Variants in ACP3 observed in about 807,000 individuals in gnomAD.
The protein encoded by ACP3 is acid phosphatase 3.
ACP3 carries 38 observed loss-of-function variants against 45.6 expected under a neutral mutation model. That is an observed-to-expected ratio of 0.83 (90% CI 0.64 to 1.09). ACP3 has a LOEUF of 1.09. ACP3 is among the 50% of genes least tolerant of loss of function. The pLI, the probability that ACP3 is intolerant of heterozygous loss-of-function variation, is 0.00. For missense variants in ACP3, 466 were observed against 463.2 expected (o/e 1.01, Z -0.05); for synonymous variants, 162 against 164.7 (o/e 0.98, Z 0.13).
chr3:132,349,023 A>G (rs972686039), intron 7 of ACP3, among the ~76,000 whole-genome samples: 2 of 151,958 alleles, frequency 1.3e-5, no homozygotes, highest in African/African-American at 2.4e-5. Flanking sequence ...ACCCTAACAC[A>G]CCCTACTGGT....
chr3:132,341,259 C>T (rs1043932352), intron 5 of ACP3, among the ~76,000 whole-genome samples: 1 of 152,016 alleles, frequency 6.6e-6, no homozygotes, highest in Non-Finnish European at 1.5e-5. Flanking sequence ...GGCTTTTGAA[C>T]CAAAATAGAC....
intron 1 of ACP3, among the ~76,000 whole-genome samples, chr3:132,320,435 A>G (rs986860101): frequency 6.6e-5 from 10 of 152,108 alleles, no homozygotes; most frequent in African/African-American, 2.2e-4. Flanking sequence ...TTCATGCACC[A>G]TATCATCCAG....
At position 132,358,405 on chromosome 3, in the gene ACP3, G is replaced by C; in HGVS notation, c.*1527G>C. On this transcript the variant is annotated 3_prime_UTR_variant, in exon 10 of 10. Transcript: ENST00000336375. ...ATGCCGATATCTTCAGAAAACCTAA[G>C]CAAACTTACAGGTCCTGCTGAAACT... is the stretch of plus-strand genomic sequence containing the variant. 1 of 1,256,448 alleles carries C rather than the reference G, an allele frequency of 8.0e-7. No homozygotes were observed. The highest frequency in any genetic ancestry group is 1.5e-5 in the African/African-American group (1 of 65,526). 77.8% of individuals were successfully genotyped at this position (1,256,448 alleles called of 1,614,324 possible).
At chr3:132,328,930 T>C (rs768255860) in intron 2 of ACP3, among the ~76,000 whole-genome samples, 6 of 152,204 alleles carry the variant, frequency 3.9e-5, no homozygotes, top group Non-Finnish European at 5.9e-5. Flanking sequence ...ATCAACAGCA[T>C]TGGGAAACAT....
chr3:132,361,814 A>G (rs1938045193), downstream of ACP3, among the ~76,000 whole-genome samples: 1 of 152,180 alleles, frequency 6.6e-6, no homozygotes, highest in Non-Finnish European at 1.5e-5. Flanking sequence ...GCTGTCCCTC[A>G]GGAAACCACA....
At chr3:132,334,180 TAA>T (rs1937451612) in intron 4 of ACP3, among the ~76,000 whole-genome samples, 1 of 152,052 alleles carries the variant, frequency 6.6e-6, no homozygotes, top group South Asian at 2.1e-4. Context: ...TGATAGTAAT[TAA>T]GTTACACAGA....
chr3:132,359,494 C>T (rs559545731), downstream of ACP3, among the ~76,000 whole-genome samples: 1 of 151,580 alleles, frequency 6.6e-6, no homozygotes, highest in Non-Finnish European at 1.5e-5. Context: ...GGCAACAGAG[C>T]GAGACTCTGT....
intron 4 of ACP3, among the ~76,000 whole-genome samples, chr3:132,335,730 AGCCAGTGCCTTCCGGGACAGCAAGAAG>A (rs1937478396): frequency 1.3e-5 from 2 of 152,178 alleles, no homozygotes; most frequent in South Asian, 4.1e-4. Flanking sequence ...AGAGCTCCTA[AGCCAGTGCCTTCCGGGACAGCAAGAAG>A]GCCCAAAGTG....
chr3:132,349,965 A>G lies in ACP3; in HGVS notation c.827A>G (p.Gln276Arg). 6.2e-7 allele frequency: 1 copy of G among 1,612,788 alleles called. No individual in the cohort carries two copies. Among genetic ancestry groups the G allele is most frequent in the Non-Finnish European group, 8.5e-7 (1 of 1,178,848 alleles). The change falls in exon 8 of 10, where the codon CAG becomes CGG. Residue 276 changes from glutamine (Q) to arginine (R), a missense_variant. Transcript: ENST00000336375. ...CTCAATCACATGAAGAGAGCAACTC[A>G]GATACCAAGCTACAAAAAACTCATC... ...EILNHMKRAT[Q>R]IPSYKKLIMY... is the part of the protein sequence containing the mutation.
rs1937429105 is a variant in ACP3, at chr3:132,333,040, AT to A, written c.456+698del. Among the ~76,000 whole-genome samples, 5 of 152,280 alleles carry A rather than the reference AT, an allele frequency of 3.3e-5. 1 individual carries two copies. In the South Asian group the frequency reaches 1.0e-3, roughly 32 times the overall value. ...TCATGATTCTCAGACTTAGCTGCAT[AT>A]TAGGATCACGTGGTTTTTTAAAAAA... On this transcript the variant is annotated intron_variant, in intron 4 of 9. Transcript: ENST00000336375.
At chr3:132,333,424 C>G (rs1161632460) in intron 4 of ACP3, 1 of 152,618 alleles carries the variant, frequency 6.6e-6, no homozygotes, top group Non-Finnish European at 1.5e-5. Context: ...TAGGCATGAC[C>G]ATCGCATCTC....
At chr3:132,334,038 T>A (rs1252638956) in intron 4 of ACP3, among the ~76,000 whole-genome samples, 4 of 152,156 alleles carry the variant, frequency 2.6e-5, no homozygotes, top group Admixed American at 6.5e-5. Context: ...ACCGTTGCAC[T>A]CCAGCTTGGG....
Position 132,328,339 on chromosome 3 carries a change from C to A in ACP3, c.193C>A (p.Gln65Lys). 6.2e-7 allele frequency: 1 copy of A among 1,613,782 alleles called. No homozygotes were observed. The highest frequency in any genetic ancestry group is 8.5e-7 in the Non-Finnish European group (1 of 1,179,782). Residue 65 changes from glutamine to lysine, a missense_variant, in exon 2 of 10, where the codon CAA becomes AAA. Gln to Lys is a moderately conservative substitution (Grantham distance 53). Transcript: ENST00000336375. The part of the protein sequence containing the change: ...TDPIKESSWP[Q>K]GFGQLTQLGM... ...CCCCATAAAGGAATCCTCATGGCCACAAGGATTTGGCCAACTCACCCAGGT... is the reference window on the plus strand; with the variant it reads ...CCCCATAAAGGAATCCTCATGGCCAAAAGGATTTGGCCAACTCACCCAGGT...
chr3:132,342,517 G>A lies in ACP3; in HGVS notation c.556-35G>A, dbSNP rs749733980. 2.8e-6 allele frequency: 4 copies of A among 1,434,198 alleles called. No homozygotes were observed. In the South Asian group the frequency reaches 4.7e-5, roughly 17 times the overall value. The allele number at this position is 1,434,198 out of a possible 1,614,324, so 88.8% of individuals were successfully genotyped here. On this transcript the variant is annotated intron_variant, in intron 5 of 9. Transcript: ENST00000336375. ...CAATAATGCTGAAGCTGAGAAACCT[G>A]TGTAGGAATTTTTCTTTCTCTGTTT...
chr3:132,358,647 T>A lies in ACP3; in HGVS notation c.*1769T>A. Reference sequence around the variant, plus strand: ...TCGATTGATATGCTTCTTTGTGTTATTTCCCTCCCAAGTAAATGTTTGTCC... The same window carrying A: ...TCGATTGATATGCTTCTTTGTGTTAATTCCCTCCCAAGTAAATGTTTGTCC... On this transcript the variant is annotated 3_prime_UTR_variant, in exon 10 of 10. Transcript: ENST00000336375. 9.7e-7 allele frequency: 1 copy of A among 1,031,422 alleles called. No individual in the cohort carries two copies. The highest frequency in any genetic ancestry group is 1.7e-5 in the African/African-American group (1 of 59,386). The allele number at this position is 1,031,422 out of a possible 1,614,324, so 63.9% of individuals were successfully genotyped here.
intron 4 of ACP3, among the ~76,000 whole-genome samples, chr3:132,336,597 G>A (rs1173403780): frequency 6.6e-6 from 1 of 152,148 alleles, no homozygotes; most frequent in East Asian, 1.9e-4. Context: ...GGGGAAGGAT[G>A]GCTAGAAGAG....
In ACP3 at chr3:132,317,412, G is replaced by A. The variant is rs1937127496; in HGVS notation, c.-45G>A. The A allele has an allele frequency of 1.3e-6, 2 of 1,594,236 alleles. No homozygotes were observed. Among genetic ancestry groups the A allele is most frequent in the East Asian group, 4.5e-5 (2 of 44,522 alleles). ...CTTCCCCTCTACAGGCTTTTGAAGTGGTAGCAGTTCCTCCTAACTCCTGCC... is the reference window on the plus strand; with the variant it reads ...CTTCCCCTCTACAGGCTTTTGAAGTAGTAGCAGTTCCTCCTAACTCCTGCC... On this transcript the variant is annotated 5_prime_UTR_variant, in exon 1 of 10. Coordinates refer to ENST00000336375, the MANE Select transcript of ACP3 (RefSeq NM_001099.5).
chr3:132,320,952 A>C (rs1437034291), intron 1 of ACP3, among the ~76,000 whole-genome samples: 1 of 152,118 alleles, frequency 6.6e-6, no homozygotes, highest in Non-Finnish European at 1.5e-5. Context: ...CGCCTGGCAT[A>C]ATATGATATT....
downstream of ACP3, among the ~76,000 whole-genome samples, chr3:132,363,085 A>AAAATAAAT (rs55698331): frequency 5.9e-5 from 9 of 151,946 alleles, no homozygotes; most frequent in African/African-American, 2.2e-4. Flanking sequence ...ATATCATTTA[A>AAAATAAAT]AAATAAATAA....
Sources: allele counts gnomAD v4.1 joint callset (sites outside exome capture counted in the v4.1 genomes callset), GRCh38; gene constraint gnomAD v4.1.1; transcripts MANE v1.5; gene names NCBI Gene and HGNC (gene_info 2026-07-23, HGNC 2026-07-21).